CALN1: variants seen among roughly 807,000 people sequenced by gnomAD.
The protein encoded by CALN1 is calneuron 1, also known as calcium-binding protein 8.
In CALN1, 17 loss-of-function variants were observed where a neutral mutation model predicts 30.6. The ratio of observed to expected loss-of-function variants is 0.56; its 90% CI spans 0.38 to 0.83. CALN1 has a LOEUF of 0.83. CALN1 is among the 40% of genes least tolerant of loss of function. The pLI is 0.00. For synonymous variants in CALN1, 156 were observed against 131.4 expected, an observed-to-expected ratio of 1.19 and a Z score of -1.28; for missense variants, 291 against 354.9, an observed-to-expected ratio of 0.82 and a Z score of 1.45.
At chr7:72,135,296 T>C (rs1022194481) in intron 3 of CALN1, among the ~76,000 whole-genome samples, 1 of 152,240 alleles carries the variant, frequency 6.6e-6, no homozygotes, top group African/African-American at 2.4e-5. Flanking sequence ...CAGAAGGCTT[T>C]AAATTTACAT....
chr7:72,349,528 A>T (rs1802816944), intron 2 of CALN1, among the ~76,000 whole-genome samples: 1 of 152,192 alleles, frequency 6.6e-6, no homozygotes, highest in East Asian at 1.9e-4. Flanking sequence ...GAAAAAAAAC[A>T]TTATAGCAGG....
chr7:72,416,388 A>G (rs1458013576), upstream of CALN1, among the ~76,000 whole-genome samples: 2 of 152,192 alleles, frequency 1.3e-5, no homozygotes, highest in Non-Finnish European at 2.9e-5. Context: ...TGCTACCTCA[A>G]TAAAGCTGTT....
chr7:71,889,594 C>T (rs1269670064), intron 5 of CALN1, among the ~76,000 whole-genome samples: 2 of 152,118 alleles, frequency 1.3e-5, no homozygotes, highest in African/African-American at 2.4e-5. Context: ...GGGTCTCAAC[C>T]TATGAATAAG....
chr7:72,471,449 G>A, the CALN1 span, among the ~76,000 whole-genome samples: 1 of 152,296 alleles, frequency 6.6e-6, no homozygotes, highest in Admixed American at 6.5e-5. Context: ...CACCTCCCCT[G>A]GGGGAACACA....
chr7:71,968,683 C>T (rs995963399), intron 5 of CALN1, among the ~76,000 whole-genome samples: 5 of 151,642 alleles, frequency 3.3e-5, no homozygotes, highest in Admixed American at 2.0e-4. Flanking sequence ...TGCCGGGACC[C>T]GGGGTGATGG....
At chr7:72,125,447 A>G (rs1465974583) in intron 3 of CALN1, among the ~76,000 whole-genome samples, 1 of 152,256 alleles carries the variant, frequency 6.6e-6, no homozygotes, top group East Asian at 1.9e-4. Context: ...CGTGCTTGCC[A>G]TCCACTAGGG....
At chr7:72,204,987 T>C (rs892891550) in intron 3 of CALN1, among the ~76,000 whole-genome samples, 1 of 152,166 alleles carries the variant, frequency 6.6e-6, no homozygotes, top group Non-Finnish European at 1.5e-5. Flanking sequence ...ATGTCCATTT[T>C]CACACAGCAT....
At chr7:72,388,599 G>A (rs911591163) in intron 2 of CALN1, among the ~76,000 whole-genome samples, 1 of 152,182 alleles carries the variant, frequency 6.6e-6, no homozygotes, top group African/African-American at 2.4e-5. Flanking sequence ...CAATGTTTCT[G>A]CAAATTCAAA....
intron 3 of CALN1, among the ~76,000 whole-genome samples, chr7:72,180,148 G>T (rs373163904): frequency 1.3e-5 from 2 of 152,310 alleles, no homozygotes; most frequent in Non-Finnish European, 2.9e-5. Context: ...AGCCCACGGG[G>T]TATCATTTAG....
intron 5 of CALN1, among the ~76,000 whole-genome samples, chr7:72,016,086 C>T (rs1054893518): frequency 6.6e-6 from 1 of 151,726 alleles, no homozygotes; most frequent in Non-Finnish European, 1.5e-5. Flanking sequence ...CCGTCTCTAA[C>T]AAAAACACAA....
chr7:72,460,442 G>C, the CALN1 span, among the ~76,000 whole-genome samples: 6 of 151,780 alleles, frequency 4.0e-5, no homozygotes, highest in Admixed American at 2.0e-4. Flanking sequence ...GACCAGCCTG[G>C]CCAACCTGAT....
intron 4 of CALN1, among the ~76,000 whole-genome samples, chr7:72,072,794 T>G (rs1042389101): frequency 3.5e-4 from 53 of 152,348 alleles, no homozygotes; most frequent in Admixed American, 3.3e-3. Context: ...AAGCAGCATT[T>G]TTTATATGCT....
intron 2 of CALN1, among the ~76,000 whole-genome samples, chr7:72,385,997 A>C (rs1357258329): frequency 6.6e-6 from 1 of 152,220 alleles, no homozygotes; most frequent in South Asian, 2.1e-4. Context: ...TCTTAAATTC[A>C]TATATGTAAG....
the CALN1 span, among the ~76,000 whole-genome samples, chr7:72,474,829 G>A: frequency 1.3e-5 from 2 of 152,164 alleles, no homozygotes; most frequent in African/African-American, 2.4e-5. Context: ...TGCCCAGCAC[G>A]TGGGGCTGTG....
chr7:71,980,938 A>C (rs888802175), intron 5 of CALN1, among the ~76,000 whole-genome samples: 1 of 151,686 alleles, frequency 6.6e-6, no homozygotes, highest in Non-Finnish European at 1.5e-5. Context: ...AAGAGGCCAC[A>C]GGGTTCTTTC....
intron 3 of CALN1, among the ~76,000 whole-genome samples, chr7:72,147,666 C>T: frequency 6.6e-6 from 1 of 151,954 alleles, no homozygotes; most frequent in Non-Finnish European, 1.5e-5. Flanking sequence ...TATTGTGGCA[C>T]TATTCACAAT....
At chr7:72,317,076 C>CAAAAAGAGAGAGAG (rs1800520023) in intron 2 of CALN1, among the ~76,000 whole-genome samples, 1 of 91,822 alleles carries the variant, frequency 1.1e-5, no homozygotes, top group South Asian at 3.5e-4. Context: ...AAGAGAGACA[C>CAAAAAGAGAGAGAG]AGAAAGAGAG....
intron 5 of CALN1, among the ~76,000 whole-genome samples, chr7:71,814,192 T>C (rs939351990): frequency 5.3e-5 from 8 of 152,184 alleles, no homozygotes; most frequent in Admixed American, 2.0e-4. Flanking sequence ...AGAACTGCTC[T>C]GAGCCTCTGA....
intron 3 of CALN1, among the ~76,000 whole-genome samples, chr7:72,206,630 A>G (rs1191381693): frequency 6.6e-6 from 1 of 151,276 alleles, no homozygotes; most frequent in East Asian, 1.9e-4. Flanking sequence ...TTCTTGTTTC[A>G]TTGCCTAAAA....
Sources: allele counts gnomAD v4.1 joint callset (sites outside exome capture counted in the v4.1 genomes callset), GRCh38; gene constraint gnomAD v4.1.1; transcripts MANE v1.5; gene names NCBI Gene and HGNC (gene_info 2026-07-23, HGNC 2026-07-21).